ZBTB20: variants seen among roughly 807,000 people sequenced by gnomAD.
ZBTB20 encodes zinc finger and BTB domain-containing protein 20.
ZBTB20 carries 9 observed loss-of-function variants against 56.9 expected under a neutral mutation model. The ratio of observed to expected loss-of-function variants is 0.16; its 90% confidence interval spans 0.10 to 0.28. The LOEUF (loss-of-function observed/expected upper bound fraction) is 0.28. Among genes scored for constraint, ZBTB20 ranks in the 10% least tolerant of loss-of-function variants. The pLI, the probability that ZBTB20 is intolerant of heterozygous loss-of-function variation, is 1.00. For missense variants in ZBTB20, 655 were observed against 1,003.0 expected (o/e 0.65, Z 4.69); for synonymous variants, 417 against 420.7 (o/e 0.99, Z 0.11).
intron 5 of ZBTB20, among the ~76,000 whole-genome samples, chr3:114,732,891 G>C (rs945880797): frequency 2.0e-5 from 3 of 152,118 alleles, no homozygotes; most frequent in African/African-American, 7.2e-5. Flanking sequence ...AAGGGCTAGA[G>C]ATCACACACT....
At chr3:114,739,448 AC>A (rs1187720002) in intron 5 of ZBTB20, among the ~76,000 whole-genome samples, 1 of 152,070 alleles carries the variant, frequency 6.6e-6, no homozygotes, top group Non-Finnish European at 1.5e-5. Context: ...AACATAGTCC[AC>A]CATCACAGGG....
chr3:114,421,137 C>CCT (rs2108822900), intron 7 of ZBTB20, among the ~76,000 whole-genome samples: 1 of 152,110 alleles, frequency 6.6e-6, no homozygotes, highest in South Asian at 2.1e-4. Context: ...GTTTCTTAGA[C>CCT]CTTTATGTCC....
At chr3:114,598,372 T>C (rs917485222) in intron 6 of ZBTB20, among the ~76,000 whole-genome samples, 11 of 148,992 alleles carry the variant, frequency 7.4e-5, no homozygotes, top group African/African-American at 2.7e-4. Context: ...ACAAACTGTG[T>C]TATACACCCT....
intron 2 of ZBTB20, among the ~76,000 whole-genome samples, chr3:115,028,790 T>C (rs1283190271): frequency 6.6e-6 from 1 of 150,738 alleles, no homozygotes; most frequent in Non-Finnish European, 1.5e-5. Flanking sequence ...CAATTCTTAA[T>C]TTTAAAACTC....
chr3:114,344,740 T>C (rs2080053506), intron 11 of ZBTB20, among the ~76,000 whole-genome samples: 1 of 152,218 alleles, frequency 6.6e-6, no homozygotes, highest in South Asian at 2.1e-4. Context: ...CCAAGCTCCA[T>C]ATGAGGATTA....
In ZBTB20 at chr3:114,983,816, T is replaced by A. The variant is rs576299576; in HGVS notation, c.-506-9400A>T. On this transcript the variant is annotated intron_variant, in intron 2 of 11. Transcript: ENST00000675478. ...TTATAGGTTTTAAATGCTTAGAAAT[T>A]TTCCATACGTTTGTTATAGACCTCT... Among the ~76,000 whole-genome samples, 16 of 152,144 alleles carry A rather than the reference T, an allele frequency of 1.1e-4. No homozygotes were observed. In the South Asian group the frequency reaches 3.3e-3, roughly 32 times the overall value.
intron 2 of ZBTB20, among the ~76,000 whole-genome samples, chr3:114,999,019 G>T (rs1222396843): frequency 5.5e-5 from 8 of 146,078 alleles, no homozygotes; most frequent in Admixed American, 1.4e-4. Context: ...AAGGAGGGGA[G>T]GTTGGGGAGG....
intron 6 of ZBTB20, among the ~76,000 whole-genome samples, chr3:114,551,815 C>T (rs548501298): frequency 3.9e-5 from 6 of 152,292 alleles, no homozygotes; most frequent in South Asian, 2.1e-4. Flanking sequence ...CCCAATTGTA[C>T]CCCAGATGTG....
chr3:114,819,467 A>G (rs1224778101), intron 4 of ZBTB20, among the ~76,000 whole-genome samples: 1 of 151,950 alleles, frequency 6.6e-6, no homozygotes, highest in Admixed American at 6.6e-5. Context: ...AATGGAAGCA[A>G]TATAGAACCG....
intron 2 of ZBTB20, among the ~76,000 whole-genome samples, chr3:114,978,667 G>GAT (rs5851940): frequency 6.7e-6 from 1 of 149,516 alleles, no homozygotes; most frequent in African/African-American, 2.5e-5. Context: ...GTATGTACCA[G>GAT]GTGTGTGTGT....
intron 3 of ZBTB20, among the ~76,000 whole-genome samples, chr3:114,948,666 G>A (rs953178031): frequency 6.9e-6 from 1 of 145,136 alleles, no homozygotes; most frequent in Admixed American, 6.6e-5. Flanking sequence ...GATATGAATT[G>A]TTTTCTTATA....
intron 5 of ZBTB20, among the ~76,000 whole-genome samples, chr3:114,800,216 T>C (rs554165515): frequency 6.6e-6 from 1 of 152,088 alleles, no homozygotes; most frequent in East Asian, 1.9e-4. Flanking sequence ...ACAGATTGAC[T>C]TTCCTTGTAG....
chr3:114,829,148 T>C (rs930864315), intron 4 of ZBTB20, among the ~76,000 whole-genome samples: 15 of 151,944 alleles, frequency 9.9e-5, no homozygotes, highest in Admixed American at 5.9e-4. Context: ...TGATGTATGT[T>C]ATTCCCCAAT....
At chr3:114,738,703 C>T (rs1190337218) in intron 5 of ZBTB20, among the ~76,000 whole-genome samples, 1 of 152,074 alleles carries the variant, frequency 6.6e-6, no homozygotes, top group Non-Finnish European at 1.5e-5. Context: ...TAAAAGACTC[C>T]CTATTCCGAT....
Position 114,874,941 on chromosome 3 carries a change from A to G in ZBTB20, c.-417+25363T>C, listed in dbSNP as rs2076137086. On this transcript the variant is annotated intron_variant, in intron 4 of 11. Coordinates refer to ENST00000675478, the MANE Select transcript of ZBTB20 (RefSeq NM_001348800.3). Reference sequence around the variant, plus strand: ...AGACTATCCAACCAAACTATGCTACAGGGGGGAGGAGCTTTCTATGTGTAA... The same window carrying G: ...AGACTATCCAACCAAACTATGCTACGGGGGGGAGGAGCTTTCTATGTGTAA... 2.6e-5 allele frequency among the ~76,000 whole-genome samples: 4 copies of G among 152,172 alleles called. No individual in the cohort carries two copies. The South Asian group carries it at 8.3e-4, about 32-fold the overall frequency.
intron 4 of ZBTB20, among the ~76,000 whole-genome samples, chr3:114,828,704 C>T (rs2073684003): frequency 6.6e-6 from 1 of 151,788 alleles, no homozygotes; most frequent in South Asian, 2.1e-4. Flanking sequence ...GTTCTTATCA[C>T]ACATAATTGA....
chr3:114,322,851 G>T lies in ZBTB20; in HGVS notation c.*16154C>A, dbSNP rs1015521957. 3 of 152,208 alleles carry T rather than the reference G, an allele frequency of 2.0e-5. No individual in the cohort carries two copies. Among genetic ancestry groups the T allele is most frequent in the Non-Finnish European group, 2.9e-5 (2 of 68,040 alleles). 9.4% of individuals were successfully genotyped at this position (152,208 alleles called of 1,614,324 possible). A position where few individuals can be genotyped will look rare whatever the true frequency, so the allele number is the denominator to read the frequency against. The stretch of plus-strand genomic sequence containing the variant: ...ATAGTAGACTTGGACGGATAGTAAA[G>T]AAGAGAGAGAAAAAGACAGGTTATC... On this transcript the variant is annotated 3_prime_UTR_variant, in exon 12 of 12. Coordinates refer to ENST00000675478, the MANE Select transcript of ZBTB20 (RefSeq NM_001348800.3).
chr3:114,783,084 T>C (rs751557709), intron 5 of ZBTB20, among the ~76,000 whole-genome samples: 1 of 152,174 alleles, frequency 6.6e-6, no homozygotes, highest in African/African-American at 2.4e-5. Context: ...GCTGAGTACA[T>C]TGGAAACCAC....
chr3:115,145,250 ATTT>A (rs774492126), intron 1 of ZBTB20, among the ~76,000 whole-genome samples: 1 of 152,068 alleles, frequency 6.6e-6, no homozygotes, highest in Non-Finnish European at 1.5e-5. Context: ...AATCAATGTA[ATTT>A]TTTTTCTTTC....
Sources: allele counts gnomAD v4.1 joint callset (sites outside exome capture counted in the v4.1 genomes callset), GRCh38; gene constraint gnomAD v4.1.1; transcripts MANE v1.5; gene names NCBI Gene and HGNC (gene_info 2026-07-23, HGNC 2026-07-21).